The following ENTREP2 variants were observed in gnomAD, a reference collection of about 807,000 sequenced individuals.
The protein encoded by ENTREP2 is protein ENTREP2.
At chr15:29,365,608 C>A in the ENTREP2 span, among the ~76,000 whole-genome samples, 7 of 151,916 alleles carry the variant, frequency 4.6e-5, no homozygotes, top group Admixed American at 1.3e-4. Context: ...TAGTAAAGAA[C>A]AAGGTTGCGC....
chr15:29,136,540 G>A, the ENTREP2 span: 1 of 1,539,768 alleles, frequency 6.5e-7, no homozygotes, highest in East Asian at 2.5e-5. Flanking sequence ...TTGCCCGAAG[G>A]AGGAGGCAGA....
At chr15:29,233,775 T>A in the ENTREP2 span, 1 of 1,541,172 alleles carries the variant, frequency 6.5e-7, no homozygotes, top group Non-Finnish European at 9.0e-7. Flanking sequence ...TGATGATGTG[T>A]GTGGTGTCCA....
At chr15:29,129,824 C>T in the ENTREP2 span, among the ~76,000 whole-genome samples, 1 of 152,144 alleles carries the variant, frequency 6.6e-6, no homozygotes, top group Non-Finnish European at 1.5e-5. Flanking sequence ...GGATGTGATG[C>T]CAGCTACACA....
the ENTREP2 span, among the ~76,000 whole-genome samples, chr15:29,295,317 C>T: frequency 6.6e-6 from 1 of 152,166 alleles, no homozygotes; most frequent in South Asian, 2.1e-4. Flanking sequence ...AGGGCCAGGT[C>T]CCCCTGCACC....
chr15:29,465,130 G>A, the ENTREP2 span, among the ~76,000 whole-genome samples: 6 of 151,878 alleles, frequency 4.0e-5, no homozygotes, highest in South Asian at 2.1e-4. Context: ...GTCTGCCCCC[G>A]ATATAACCCC....
the ENTREP2 span, among the ~76,000 whole-genome samples, chr15:29,277,160 A>G: frequency 2.6e-5 from 4 of 152,230 alleles, no homozygotes; most frequent in East Asian, 7.8e-4. Context: ...CCTGGCCAAC[A>G]TGGCGGAACC....
At chr15:29,306,783 T>C in the ENTREP2 span, among the ~76,000 whole-genome samples, 26 of 146,232 alleles carry the variant, frequency 1.8e-4, no homozygotes, top group African/African-American at 6.0e-4. Context: ...AGTGGCGTGA[T>C]TACCCAGGCT....
chr15:29,545,599 G>A, the ENTREP2 span, among the ~76,000 whole-genome samples: 1 of 152,130 alleles, frequency 6.6e-6, no homozygotes, highest in Admixed American at 6.6e-5. Flanking sequence ...GTGGAGGGTA[G>A]GCTTTATAAG....
chr15:29,571,261 C>T, the ENTREP2 span, among the ~76,000 whole-genome samples: 2 of 152,102 alleles, frequency 1.3e-5, no homozygotes, highest in Non-Finnish European at 2.9e-5. Context: ...TCAAGGGCAA[C>T]GGCATCAGCC....
chr15:29,620,974 G>T, the ENTREP2 span, among the ~76,000 whole-genome samples: 21 of 152,106 alleles, frequency 1.4e-4, 1 homozygote, highest in African/African-American at 5.1e-4. Flanking sequence ...ATTATCCCAG[G>T]CATGTGGGAG....
At chr15:29,634,202 G>A in the ENTREP2 span, among the ~76,000 whole-genome samples, 2 of 152,224 alleles carry the variant, frequency 1.3e-5, no homozygotes, top group South Asian at 4.1e-4. Flanking sequence ...GGTTCGGTGT[G>A]CAGGAGGATT....
the ENTREP2 span, among the ~76,000 whole-genome samples, chr15:29,478,765 C>T: frequency 4.0e-5 from 6 of 149,970 alleles, no homozygotes; most frequent in Admixed American, 6.7e-5. Context: ...ATTAGCTGGG[C>T]GTGGTGGTGG....
chr15:29,414,788 T>C, the ENTREP2 span, among the ~76,000 whole-genome samples: 1 of 151,866 alleles, frequency 6.6e-6, no homozygotes, highest in South Asian at 2.1e-4. Flanking sequence ...AAGAATCAAA[T>C]AGATGCAATA....
the ENTREP2 span, among the ~76,000 whole-genome samples, chr15:29,598,005 C>T: frequency 1.3e-5 from 2 of 152,020 alleles, no homozygotes; most frequent in Non-Finnish European, 2.9e-5. Flanking sequence ...ACCGTGTAGT[C>T]CCAGATACTA....
the ENTREP2 span, among the ~76,000 whole-genome samples, chr15:29,439,111 A>G: frequency 6.6e-6 from 1 of 152,142 alleles, no homozygotes; most frequent in Non-Finnish European, 1.5e-5. Flanking sequence ...AAGGAGCTCA[A>G]CTAGCACCCT....
At chr15:29,624,359 T>C in the ENTREP2 span, among the ~76,000 whole-genome samples, 3 of 152,140 alleles carry the variant, frequency 2.0e-5, no homozygotes, top group African/African-American at 4.8e-5. Flanking sequence ...ACGTACAATA[T>C]AGTTTCTAGA....
At chr15:29,317,236 A>G in the ENTREP2 span, among the ~76,000 whole-genome samples, 1 of 152,244 alleles carries the variant, frequency 6.6e-6, no homozygotes, top group Non-Finnish European at 1.5e-5. Context: ...ATAAAACTAC[A>G]TATAACTATT....
the ENTREP2 span, among the ~76,000 whole-genome samples, chr15:29,566,361 C>T: frequency 0.92 from 139,675 of 151,998 alleles, 64,315 homozygotes; most frequent in East Asian, 0.98. Context: ...AGACAGGATT[C>T]CACCATGTTG....
chr15:29,475,050 T>C, the ENTREP2 span, among the ~76,000 whole-genome samples: 1 of 152,196 alleles, frequency 6.6e-6, no homozygotes. Flanking sequence ...CCAGAATAGA[T>C]TCTGGCCCTC....
Sources: gnomAD v4.1 joint callset for allele counts (sites outside exome capture counted in the v4.1 genomes callset) on GRCh38, gnomAD v4.1.1 for gene constraint, MANE v1.5 for transcripts, NCBI Gene and HGNC (gene_info 2026-07-23, HGNC 2026-07-21) for gene names.